Variants in PHACTR2 observed in about 807,000 individuals in gnomAD.
PHACTR2 encodes the protein phosphatase and actin regulator 2.
A neutral mutation model predicts 76.0 loss-of-function variants in PHACTR2; 30 were observed. The observed-to-expected ratio is 0.39, with a 90% CI of 0.30 to 0.54. The LOEUF (loss-of-function observed/expected upper bound fraction) is 0.54, where lower values mean the gene tolerates loss of function less well. Among genes scored for constraint, PHACTR2 ranks in the 20% least tolerant of loss-of-function variants. The pLI, the probability that PHACTR2 is intolerant of heterozygous loss-of-function variation, is 0.61. For missense variants in PHACTR2, 696 were observed against 781.1 expected, an observed-to-expected ratio of 0.89 and a Z score of 1.30; for synonymous variants, 292 against 292.5, an observed-to-expected ratio of 1.00 and a Z score of 0.02.
rs1163039031 is a variant in PHACTR2 at position 143,581,120 on chromosome 6, A to G, written c.217+43913A>G. On this transcript the variant is annotated intron_variant, in intron 1 of 11. Transcript: ENST00000367584. This position sits in a 1 kb window ranked among gnomAD's most constrained non-coding sequence, Gnocchi z 4.5. ...CCAGAGGGAGTTGGACACCAGAGTG[A>G]TAAGCAGACACTGAAGGCAAGGCCA... Among the ~76,000 whole-genome samples, 1 of 152,236 alleles carries G rather than the reference A, an allele frequency of 6.6e-6. No individual in the cohort carries two copies. Among genetic ancestry groups the G allele is most frequent in the Non-Finnish European group, 1.5e-5 (1 of 68,036 alleles).
chr6:143,729,823 C>T (rs947348880), intron 2 of PHACTR2, among the ~76,000 whole-genome samples: 1 of 152,056 alleles, frequency 6.6e-6, no homozygotes, highest in East Asian at 1.9e-4. Flanking sequence ...CATTCTTTAA[C>T]AGTGTCTTTT....
At chr6:143,590,620 G>C (rs1014311081) in intron 1 of PHACTR2, among the ~76,000 whole-genome samples, 2 of 151,562 alleles carry the variant, frequency 1.3e-5, no homozygotes, top group African/African-American at 4.8e-5. Context: ...AACACCAAAT[G>C]AACACCATTC....
At position 143,610,272 on chromosome 6, in the gene PHACTR2, A is replaced by G. The variant is rs146688606; in HGVS notation, c.13+1950A>G. On this transcript the variant is annotated intron_variant, in intron 1 of 11. Transcript: ENST00000305766. The surrounding 1 kb of genome is among the most constrained non-coding windows in gnomAD (Gnocchi z 4.9). ...CTGTAAGGGAAGCATTTAAGATAAA[A>G]CTGGTAAGTGGCAAAAAAAAAAATC... Among the ~76,000 whole-genome samples the G allele has an allele frequency of 9.5e-3, 1,370 of 143,528 alleles. 21 individuals are homozygous for G. Among genetic ancestry groups the G allele is most frequent in the African/African-American group, 0.033 (1,194 of 36,610 alleles). 94.2% of individuals were successfully genotyped at this position (143,528 alleles called of 152,430 possible).
chr6:143,707,052 C>G (rs1778070638), intron 1 of PHACTR2, among the ~76,000 whole-genome samples: 1 of 152,120 alleles, frequency 6.6e-6, no homozygotes, highest in African/African-American at 2.4e-5. Context: ...TCTAATTTTT[C>G]TTTGCCATAT....
At chr6:143,582,712 AAAG>A (rs1775589950) in intron 1 of PHACTR2, among the ~76,000 whole-genome samples, 1 of 152,236 alleles carries the variant, frequency 6.6e-6, no homozygotes, top group Admixed American at 6.5e-5. Flanking sequence ...ATATAATATT[AAAG>A]AATAAGAGCA....
rs905303819 is a variant in PHACTR2, at chr6:143,816,943, G to A, written c.1923-6731G>A. ...TAGCCAAGTGTGGTGGCGAGTGCCT[G>A]TATTCCCAGCTACTTGGGAGGCTGA... On this transcript the variant is annotated intron_variant, in intron 12 of 12. Transcript: ENST00000440869. The surrounding 1 kb of genome is among the most constrained non-coding windows in gnomAD (Gnocchi z 4.5). 4.6e-5 allele frequency among the ~76,000 whole-genome samples: 7 copies of A among 152,092 alleles called. No individual in the cohort carries two copies. Among genetic ancestry groups the A allele is most frequent in the Non-Finnish European group, 1.0e-4 (7 of 68,006 alleles).
intron 2 of PHACTR2, among the ~76,000 whole-genome samples, chr6:143,718,295 C>T (rs1778347135): frequency 6.6e-6 from 1 of 152,208 alleles, no homozygotes; most frequent in South Asian, 2.1e-4. Context: ...TCAGTACAAC[C>T]TCATGAACTG....
At chr6:143,613,914 T>A (rs1318599397) in intron 1 of PHACTR2, among the ~76,000 whole-genome samples, 1 of 152,198 alleles carries the variant, frequency 6.6e-6, no homozygotes, top group African/African-American at 2.4e-5. Flanking sequence ...TTCAACAGGT[T>A]TCTTAGCATG....
Position 143,758,099 on chromosome 6 carries a change from G to T in PHACTR2, c.455-2302G>T, listed in dbSNP as rs991206499. 3.3e-5 allele frequency among the ~76,000 whole-genome samples: 5 copies of T among 152,236 alleles called. No individual in the cohort carries two copies. The East Asian group carries it at 9.6e-4, about 29-fold the overall frequency. On this transcript the variant is annotated intron_variant, in intron 4 of 12. Transcript: ENST00000440869. ...GGAGCCAGGAGAAAGTCTGTTTGCA[G>T]TGTGTTCATTTTCTCCCTAGTAGGT...
rs919124060 is a variant in PHACTR2, at chr6:143,827,537, C to T, written c.*3848C>T. 1 of 151,976 alleles carries T rather than the reference C, an allele frequency of 6.6e-6. No homozygotes were observed. Among genetic ancestry groups the T allele is most frequent in the African/African-American group, 2.4e-5 (1 of 41,370 alleles). 9.4% of individuals were successfully genotyped at this position (151,976 alleles called of 1,614,324 possible). ...TAGGTGGTATGAAATTAAACTAGTACAATATATATGAATTCATGTCATTTA... is the reference window on the plus strand; with the variant it reads ...TAGGTGGTATGAAATTAAACTAGTATAATATATATGAATTCATGTCATTTA... On this transcript the variant is annotated 3_prime_UTR_variant, in exon 13 of 13. Coordinates refer to ENST00000440869, the MANE Select transcript of PHACTR2 (RefSeq NM_001100164.2).
rs990716620 is a variant in PHACTR2, at chr6:143,561,493, T to A, written c.217+24286T>A. 4.6e-5 allele frequency: 7 copies of A among 152,360 alleles called. No homozygotes were observed. Among genetic ancestry groups the A allele is most frequent in the Admixed American group, 2.6e-4 (4 of 15,286 alleles). 9.4% of individuals were successfully genotyped at this position (152,360 alleles called of 1,614,324 possible). A position where few individuals can be genotyped will look rare whatever the true frequency, so the allele number is the denominator to read the frequency against. ...CCTTTTGGAGGAAGGCGTTGCAAGG[T>A]TAATACGGGCTGGTATACAGGGTTG... On this transcript the variant is annotated intron_variant, in intron 1 of 11. Transcript: ENST00000367584. The surrounding 1 kb of genome is among the most constrained non-coding windows in gnomAD (Gnocchi z 4.1).
At chr6:143,694,669 C>G (rs146268646) in intron 1 of PHACTR2, among the ~76,000 whole-genome samples, 41 of 152,188 alleles carry the variant, frequency 2.7e-4, no homozygotes, top group African/African-American at 9.4e-4. Flanking sequence ...AATGAATAAG[C>G]GTGTTAAAGA....
chr6:143,606,761 C>G (rs1295241321), upstream of PHACTR2, among the ~76,000 whole-genome samples: 1 of 152,098 alleles, frequency 6.6e-6, no homozygotes, highest in Non-Finnish European at 1.5e-5. Flanking sequence ...TGATTTCAGT[C>G]TTACGGGATC....
rs1777150154 is a variant in PHACTR2, at chr6:143,671,306, A to G, written c.14-40710A>G. ...TCCTCATCTTTACCTCTCTTATTCT[A>G]TGTACTCCAACCACACCATTTCCCC... On this transcript the variant is annotated intron_variant, in intron 1 of 11. Transcript: ENST00000305766. The surrounding 1 kb of genome is among the most constrained non-coding windows in gnomAD (Gnocchi z 4.6). Among the ~76,000 whole-genome samples the G allele has an allele frequency of 6.6e-6, 1 of 151,986 alleles. No individual in the cohort carries two copies. The highest frequency in any genetic ancestry group is 1.5e-5 in the Non-Finnish European group (1 of 68,002).
rs1300523492 is a variant in PHACTR2, at chr6:143,585,797, T to C, written c.217+48590T>C. Among the ~76,000 whole-genome samples the C allele has an allele frequency of 6.6e-6, 1 of 152,226 alleles. No individual in the cohort carries two copies. Among genetic ancestry groups the C allele is most frequent in the Non-Finnish European group, 1.5e-5 (1 of 68,038 alleles). ...ATAAGACTTCTTAGGTAATTTCTGTTTCAAATTAGATTTGGCTAGGGAATT... is the reference window on the plus strand; with the variant it reads ...ATAAGACTTCTTAGGTAATTTCTGTCTCAAATTAGATTTGGCTAGGGAATT... On this transcript the variant is annotated intron_variant, in intron 1 of 11. Transcript: ENST00000367584. The surrounding 1 kb of genome is among the most constrained non-coding windows in gnomAD (Gnocchi z 5.2).
chr6:143,773,011 G>A (rs1400499874), intron 7 of PHACTR2, among the ~76,000 whole-genome samples: 1 of 152,086 alleles, frequency 6.6e-6, no homozygotes, highest in African/African-American at 2.4e-5. Flanking sequence ...TCAGGAGTTC[G>A]AGACTAGCCT....
rs910088327 is a variant in PHACTR2 at position 143,558,862 on chromosome 6, G to A, written c.217+21655G>A. 6.6e-6 allele frequency among the ~76,000 whole-genome samples: 1 copy of A among 152,108 alleles called. No homozygotes were observed. The highest frequency in any genetic ancestry group is 1.5e-5 in the Non-Finnish European group (1 of 68,026). On this transcript the variant is annotated intron_variant, in intron 1 of 11. Transcript: ENST00000367584. This position sits in a 1 kb window ranked among gnomAD's most constrained non-coding sequence, Gnocchi z 4.7. ...AGTAATGGTGATTAGGTAGCTCGAG[G>A]GCCCCTAAACACCTCCCTGATGATT... is the stretch of plus-strand genomic sequence containing the variant.
rs78745607 is a variant in PHACTR2, at chr6:143,547,134, G to A, written c.217+9927G>A. ...TAGAGTTGTCATATTGGAAGAGTAT[G>A]TACTCATTCCCATTATAATCTTATT... is the stretch of plus-strand genomic sequence containing the variant. On this transcript the variant is annotated intron_variant, in intron 1 of 11. Coordinates refer to the PHACTR2 transcript ENST00000367584. This position sits in a 1 kb window ranked among gnomAD's most constrained non-coding sequence, Gnocchi z 4.2. Among the ~76,000 whole-genome samples, 1,715 of 152,244 alleles carry A rather than the reference G, an allele frequency of 0.011. 14 individuals carry two copies. The highest frequency in any genetic ancestry group is 0.027 in the Middle Eastern group (8 of 294).
rs763467930 is a variant in PHACTR2, at chr6:143,696,156, A to T, written c.47-15860A>T. On this transcript the variant is annotated intron_variant, in intron 1 of 12. Transcript: ENST00000440869. This position sits in a 1 kb window ranked among gnomAD's most constrained non-coding sequence, Gnocchi z 4.1. ...TCTCTCATTCTTGTATATGATGTCA[A>T]CCTTCTTGCTTAGTTTCTTTCCTTA... 6.6e-6 allele frequency among the ~76,000 whole-genome samples: 1 copy of T among 152,186 alleles called. No homozygotes were observed. Among genetic ancestry groups the T allele is most frequent in the Admixed American group, 6.5e-5 (1 of 15,274 alleles).
Sources: allele counts gnomAD v4.1 joint callset (sites outside exome capture counted in the v4.1 genomes callset), GRCh38; gene constraint gnomAD v4.1.1; non-coding constraint Gnocchi (gnomAD v3.1); transcripts MANE v1.5; gene names NCBI Gene and HGNC (gene_info 2026-07-23, HGNC 2026-07-21).